BRPF3: variants seen among roughly 807,000 people sequenced by gnomAD.
The protein encoded by BRPF3 is bromodomain and PHD finger-containing protein 3.
A neutral mutation model predicts 102.0 loss-of-function variants in BRPF3; 18 were observed. That is an observed-to-expected ratio of 0.18 (90% confidence interval 0.12 to 0.26). BRPF3 has a LOEUF of 0.26. Among genes scored for constraint, BRPF3 ranks in the 10% least tolerant of loss-of-function variants. The pLI is 1.00. For synonymous variants in BRPF3, 570 were observed against 614.2 expected, an observed-to-expected ratio of 0.93 and a Z score of 1.06; for missense variants, 1,147 against 1,567.8, an observed-to-expected ratio of 0.73 and a Z score of 4.53.
At position 36,208,528 on chromosome 6, in the gene BRPF3, G is replaced by A. The variant is rs182378483; in HGVS notation, c.1737+1084G>A. On this transcript the variant is annotated intron_variant, in intron 4 of 12. Coordinates refer to ENST00000357641, the MANE Select transcript of BRPF3 (RefSeq NM_015695.3). Reference sequence around the variant, plus strand: ...CTCTTTCTCCAAATTCTAATTCAGTGGTCAGCCTTAGCACAACCCCTTTTC... The same window carrying A: ...CTCTTTCTCCAAATTCTAATTCAGTAGTCAGCCTTAGCACAACCCCTTTTC... Among the ~76,000 whole-genome samples, 554 of 152,314 alleles carry A rather than the reference G, an allele frequency of 3.6e-3. 1 individual carries two copies. The highest frequency in any genetic ancestry group is 6.5e-3 in the Non-Finnish European group (440 of 68,020).
At chr6:36,225,083 G>A (rs903973937) in intron 10 of BRPF3, among the ~76,000 whole-genome samples, 184 bp from the exon 11 acceptor site, 2 of 152,170 alleles carry the variant, frequency 1.3e-5, no homozygotes, top group African/African-American at 4.8e-5. Context: ...GCCCTTTACA[G>A]AACTAGTTTG....
Position 36,210,625 on chromosome 6 carries a change from G to A in BRPF3, c.2179+97G>A, listed in dbSNP as rs1049971381. ...GATCAGGGTGGTCCTTGGGGCTATAGGTAGACTCCAGGAGCAAAGCTGAGG... is the reference window on the plus strand; with the variant it reads ...GATCAGGGTGGTCCTTGGGGCTATAAGTAGACTCCAGGAGCAAAGCTGAGG... On this transcript the variant is annotated intron_variant, in intron 6 of 12. Transcript: ENST00000357641. This position sits in a 1 kb window ranked among gnomAD's most constrained non-coding sequence, Gnocchi z 4.7. The A allele has an allele frequency of 6.7e-6, 8 of 1,186,890 alleles. No homozygotes were observed. The African/African-American group carries it at 1.2e-4, about 18-fold the overall frequency. The allele number at this position is 1,186,890 out of a possible 1,614,324, so 73.5% of individuals were successfully genotyped here. A position where few individuals can be genotyped will look rare whatever the true frequency, so the allele number is the denominator to read the frequency against.
intron 1 of BRPF3, among the ~76,000 whole-genome samples, chr6:36,198,264 T>A (rs954080829): frequency 2.0e-5 from 3 of 152,176 alleles, no homozygotes; most frequent in Non-Finnish European, 2.9e-5. Context: ...GCCTTTCAAG[T>A]AAAGATGTTA....
At chr6:36,203,335 G>A (rs938775361) in intron 2 of BRPF3, among the ~76,000 whole-genome samples, 4 of 152,172 alleles carry the variant, frequency 2.6e-5, no homozygotes, top group African/African-American at 9.7e-5. Context: ...GATAATATAA[G>A]TAAAGCACTT....
Position 36,211,463 on chromosome 6 carries a change from G to A in BRPF3, c.2385G>A (p.Lys795=). 6.2e-7 allele frequency: 1 copy of A among 1,602,496 alleles called. No homozygotes were observed. The highest frequency in any genetic ancestry group is 8.5e-7 in the Non-Finnish European group (1 of 1,174,676). Residue 795 remains lysine (K), a synonymous_variant, in exon 7 of 13, where the codon AAG becomes AAA. Transcript: ENST00000357641. ...PPPPQPPSLN[K]TVSNGELPAG... Reference sequence around the variant, plus strand: ...CACCACAGCCACCATCACTCAACAAGACAGTATCCAATGGGGAGCTGCCAG... The same window carrying A: ...CACCACAGCCACCATCACTCAACAAAACAGTATCCAATGGGGAGCTGCCAG...
Position 36,211,365 on chromosome 6 carries a change from G to C in BRPF3, c.2287G>C (p.Ala763Pro). Residue 763 changes from alanine (A) to proline (P), a missense_variant, in exon 7 of 13, where the codon GCC becomes CCC. Ala to Pro is a conservative substitution (Grantham distance 27). Coordinates refer to ENST00000357641, the MANE Select transcript of BRPF3 (RefSeq NM_015695.3). The stretch of plus-strand genomic sequence containing the variant: ...GGTGAGCGCCATGCGGTCCAGTGGG[G>C]CCCGCACCCGTCGTGTCCGCCTGCT... Reference protein sequence around the residue: ...DLVSAMRSSGARTRRVRLLRR... With the variant: ...DLVSAMRSSGPRTRRVRLLRR... The C allele has an allele frequency of 6.2e-7, 1 of 1,614,236 alleles. No individual in the cohort carries two copies. Among genetic ancestry groups the C allele is most frequent in the Non-Finnish European group, 8.5e-7 (1 of 1,180,028 alleles).
rs1768951080 is a variant in BRPF3 at position 36,231,883 on chromosome 6, CTG to C, written c.*1275_*1276del. The C allele has an allele frequency of 6.6e-6, 1 of 152,666 alleles. No individual in the cohort carries two copies. Among genetic ancestry groups the C allele is most frequent in the Admixed American group, 6.5e-5 (1 of 15,282 alleles). The allele number at this position is 152,666 out of a possible 1,614,324, so 9.5% of individuals were successfully genotyped here. A position where few individuals can be genotyped will look rare whatever the true frequency, so the allele number is the denominator to read the frequency against. The stretch of plus-strand genomic sequence containing the variant: ...TTTCAGAGGCTTCAGTGTCTGTTCT[CTG>C]GACATTTCTTTTCACCTCCTGAGCA... On this transcript the variant is annotated 3_prime_UTR_variant, in exon 13 of 13. Coordinates refer to ENST00000357641, the MANE Select transcript of BRPF3 (RefSeq NM_015695.3).
At chr6:36,228,636 G>A (rs1470994732) in intron 11 of BRPF3, among the ~76,000 whole-genome samples, 11 of 152,148 alleles carry the variant, frequency 7.2e-5, no homozygotes, top group African/African-American at 2.2e-4. Context: ...CTTCATAGCC[G>A]TGGTACCTAG....
intron 2 of BRPF3, 21 bp from the exon 3 acceptor site, chr6:36,204,637 T>G: frequency 6.8e-6 from 11 of 1,614,222 alleles, no homozygotes; most frequent in Non-Finnish European, 9.3e-6. Flanking sequence ...TGTCTTTCAC[T>G]TCCGTGTGCC....
intron 9 of BRPF3, among the ~76,000 whole-genome samples, chr6:36,218,494 T>C (rs1177500184): frequency 6.7e-6 from 1 of 150,232 alleles, no homozygotes; most frequent in African/African-American, 2.4e-5. Flanking sequence ...GGAGTCTTGC[T>C]TGCTGCCCAG....
At chr6:36,213,604 G>A (rs533031838) in intron 7 of BRPF3, among the ~76,000 whole-genome samples, 21 of 152,036 alleles carry the variant, frequency 1.4e-4, no homozygotes, top group Middle Eastern at 6.8e-3. Context: ...TTTGGAGGCT[G>A]AGGCAGGATA....
rs1768973146 is a variant in BRPF3 at position 36,232,670 on chromosome 6, G to A, written c.*2061G>A. 1 of 152,642 alleles carries A rather than the reference G, an allele frequency of 6.6e-6. No individual in the cohort carries two copies. Among genetic ancestry groups the A allele is most frequent in the South Asian group, 2.1e-4 (1 of 4,836 alleles). The allele number at this position is 152,642 out of a possible 1,614,324, so 9.5% of individuals were successfully genotyped here. Reference sequence around the variant, plus strand: ...ATTGTTTATAACAGATGGTATAAGAGAGGTAATAAACAGAGAAAAATCTAT... The same window carrying A: ...ATTGTTTATAACAGATGGTATAAGAAAGGTAATAAACAGAGAAAAATCTAT... On this transcript the variant is annotated 3_prime_UTR_variant, in exon 13 of 13. Coordinates refer to ENST00000357641, the MANE Select transcript of BRPF3 (RefSeq NM_015695.3).
chr6:36,222,307 T>G, intron 10 of BRPF3, 42 bp downstream of exon 10: 2 of 1,527,234 alleles, frequency 1.3e-6, no homozygotes, highest in Non-Finnish European at 1.8e-6. Flanking sequence ...GGCCAGGCCT[T>G]CTGAGGAGCC....
chr6:36,227,199 CTCTTGTCTTTTTTT>C (rs560598455), intron 11 of BRPF3, among the ~76,000 whole-genome samples: 126 of 151,718 alleles, frequency 8.3e-4, no homozygotes, highest in African/African-American at 2.4e-3. Context: ...TTTTTTCTGG[CTCTTGTCTTTTTTT>C]TCTTGTCTTT....
At chr6:36,220,897 G>A (rs1256488053) in intron 9 of BRPF3, among the ~76,000 whole-genome samples, 1 of 152,120 alleles carries the variant, frequency 6.6e-6, no homozygotes, top group Admixed American at 6.5e-5. Context: ...CAGTAAAACG[G>A]GAGTACCCTA....
At chr6:36,203,012 CTG>C (rs1352323610) in intron 2 of BRPF3, among the ~76,000 whole-genome samples, 2 of 152,196 alleles carry the variant, frequency 1.3e-5, no homozygotes, top group Non-Finnish European at 2.9e-5. Context: ...TTCAGTGACT[CTG>C]TATGTGTTTT....
rs1168674340 is a variant in BRPF3 at position 36,230,817 on chromosome 6, A to T, written c.*208A>T. ...GGCCTGCTGTGTGCCAAAAACTCCC[A>T]CCCAAGGTCCCTCAGGGGATATTTC... On this transcript the variant is annotated 3_prime_UTR_variant, in exon 13 of 13. Coordinates refer to ENST00000357641, the MANE Select transcript of BRPF3 (RefSeq NM_015695.3). This position sits in a 1 kb window ranked among gnomAD's most constrained non-coding sequence, Gnocchi z 5.4. The T allele has an allele frequency of 1.7e-6, 1 of 590,556 alleles. No homozygotes were observed. Among genetic ancestry groups the T allele is most frequent in the Non-Finnish European group, 2.9e-6 (1 of 342,642 alleles). The allele number at this position is 590,556 out of a possible 1,614,324, so 36.6% of individuals were successfully genotyped here.
In BRPF3 at chr6:36,211,339, T is replaced by C. The variant is rs1217294901; in HGVS notation, c.2261T>C (p.Leu754Pro). ...AAGGAGCTGCTGGAGAAACTGGACC[T>C]GGTGAGCGCCATGCGGTCCAGTGGG... ...QLKELLEKLD[L>P]VSAMRSSGAR... The change falls in exon 7 of 13, where the codon CTG (leucine) becomes CCG (proline). Residue 754 changes from leucine to proline, a missense_variant. This residue lies in a region of BRPF3 where 379 missense variants were observed against 426.3 expected (regional missense o/e 0.89). Transcript: ENST00000357641. The C allele has an allele frequency of 6.2e-7, 1 of 1,614,258 alleles. No homozygotes were observed. The highest frequency in any genetic ancestry group is 8.5e-7 in the Non-Finnish European group (1 of 1,180,046).
At chr6:36,225,489 T>A in intron 11 of BRPF3, 125 bp downstream of exon 11, 1 of 823,400 alleles carries the variant, frequency 1.2e-6, no homozygotes, top group Non-Finnish European at 1.9e-6. Context: ...GGGAGGGGGG[T>A]TTTGCCCCAG....
Sources: gnomAD v4.1 joint callset for allele counts (sites outside exome capture counted in the v4.1 genomes callset) on GRCh38, gnomAD v4.1.1 for gene constraint, gnomAD v4.1.1 regional missense constraint, Gnocchi (gnomAD v3.1) non-coding constraint, MANE v1.5 for transcripts, NCBI Gene and HGNC (gene_info 2026-07-23, HGNC 2026-07-21) for gene names.